The following KMT2C variants were observed in gnomAD, a reference collection of about 807,000 sequenced individuals.
The protein encoded by KMT2C is lysine methyltransferase 2C, also known as histone-lysine N-methyltransferase 2C.
A neutral mutation model predicts 507.9 loss-of-function variants in KMT2C; 88 were observed. That is an observed-to-expected ratio of 0.17 (90% confidence interval 0.15 to 0.21). KMT2C has a LOEUF of 0.21. KMT2C is among the 10% of genes least tolerant of loss of function. The pLI is 1.00. For synonymous variants in KMT2C, 2,049 were observed against 2,080.8 expected (o/e 0.98, Z 0.42); for missense variants, 4,954 against 5,957.8 (o/e 0.83, Z 5.55).
Position 152,176,408 on chromosome 7 carries a change from A to G in KMT2C, c.9045T>C (p.Pro3015=), listed in dbSNP as rs2129113003. ...GTGKPATQTG[P]QTSQSGTSSM... is the part of the protein sequence containing the mutation. ...TACTGGTACCAGACTGACTTGTTTG[A>G]GGCCCAGTTTGAGTTGCAGGTTTTC... The change falls in exon 38 of 59, where the codon CCT becomes CCC. Residue 3015 remains proline (P), a synonymous_variant. Coordinates refer to ENST00000262189, the MANE Select transcript of KMT2C (RefSeq NM_170606.3). The G allele has an allele frequency of 1.9e-6, 3 of 1,614,164 alleles. No individual in the cohort carries two copies. The highest frequency in any genetic ancestry group is 2.5e-6 in the Non-Finnish European group (3 of 1,180,024).
chr7:152,364,592 G>T (rs1160957163), intron 1 of KMT2C, among the ~76,000 whole-genome samples: 4 of 142,504 alleles, frequency 2.8e-5, no homozygotes, highest in Non-Finnish European at 5.9e-5. Context: ...CTGGGTGACA[G>T]AGCGAGACTC....
At chr7:152,415,091 C>G (rs967808360) in intron 1 of KMT2C, among the ~76,000 whole-genome samples, 1 of 152,104 alleles carries the variant, frequency 6.6e-6, no homozygotes. Context: ...AGCTATCAGC[C>G]TGCCTCAGCC....
At chr7:152,237,937 T>C (rs1392080471) in intron 15 of KMT2C, among the ~76,000 whole-genome samples, 3 of 152,284 alleles carry the variant, frequency 2.0e-5, no homozygotes, top group South Asian at 2.1e-4. Flanking sequence ...AAGTGAAAAT[T>C]GGTGGTCTAT....
At chr7:152,213,912 A>G (rs1257533433) in intron 23 of KMT2C, among the ~76,000 whole-genome samples, 1 of 152,196 alleles carries the variant, frequency 6.6e-6, no homozygotes, top group African/African-American at 2.4e-5. Context: ...AAAATAGGCA[A>G]GGACCTGAAT....
intron 34 of KMT2C, 119 bp downstream of exon 34, chr7:152,185,439 T>C (rs1186547693): frequency 6.0e-6 from 4 of 663,216 alleles, no homozygotes; most frequent in Non-Finnish European, 7.8e-6. Flanking sequence ...AAGTTGCTTG[T>C]TGTACAGGTA....
At chr7:152,186,486 A>C (rs554561121) in intron 33 of KMT2C, among the ~76,000 whole-genome samples, 12 of 152,210 alleles carry the variant, frequency 7.9e-5, no homozygotes, top group Non-Finnish European at 1.6e-4. Context: ...TTAGATAAAA[A>C]GCATTTCATT....
chr7:152,217,520 A>G (rs2094615681), intron 23 of KMT2C, among the ~76,000 whole-genome samples: 1 of 152,264 alleles, frequency 6.6e-6, no homozygotes, highest in African/African-American at 2.4e-5. Context: ...GGGACTAGTC[A>G]TGAAAATGCT....
At chr7:152,203,159 T>C (rs1046671865) in intron 25 of KMT2C, 95 bp from the exon 26 acceptor site, 10 of 918,220 alleles carry the variant, frequency 1.1e-5, no homozygotes, top group Non-Finnish European at 1.4e-5. Context: ...ATACACACAG[T>C]TTCATATAAA....
rs370447087 is a variant in KMT2C at position 152,429,761 on chromosome 7, C to T, written c.161+5865G>A. 4.0e-4 allele frequency among the ~76,000 whole-genome samples: 60 copies of T among 151,666 alleles called. 1 individual carries two copies. Among genetic ancestry groups the T allele is most frequent in the African/African-American group, 1.4e-3 (59 of 41,294 alleles). On this transcript the variant is annotated intron_variant, in intron 1 of 58. Coordinates refer to ENST00000262189, the MANE Select transcript of KMT2C (RefSeq NM_170606.3). ...GTCTCCCACTCCTGACCTTGTGATC[C>T]GCCCACCTCAGCCTCCCAAAGTGCT...
Position 152,136,758 on chromosome 7 carries a change from G to T in KMT2C, c.*74C>A. On this transcript the variant is annotated 3_prime_UTR_variant, in exon 59 of 59. Transcript: ENST00000262189. Reference sequence around the variant, plus strand: ...AGAAAACAAAAATCTCTTTCTGTCTGCAAAATTCCAATGGTGTGTTGAATC... The same window carrying T: ...AGAAAACAAAAATCTCTTTCTGTCTTCAAAATTCCAATGGTGTGTTGAATC... 9.5e-7 allele frequency: 1 copy of T among 1,053,772 alleles called. No individual in the cohort carries two copies. The highest frequency in any genetic ancestry group is 1.5e-6 in the Non-Finnish European group (1 of 678,618). The allele number at this position is 1,053,772 out of a possible 1,614,324, so 65.3% of individuals were successfully genotyped here.
chr7:152,232,938 C>G (rs4024397), intron 16 of KMT2C, among the ~76,000 whole-genome samples: 10 of 151,920 alleles, frequency 6.6e-5, no homozygotes, highest in African/African-American at 2.4e-4. Flanking sequence ...CACATTATAC[C>G]CACTGAGCAG....
At chr7:152,149,518 T>C (rs987256655) in intron 51 of KMT2C, among the ~76,000 whole-genome samples, 9 of 152,364 alleles carry the variant, frequency 5.9e-5, no homozygotes, top group Admixed American at 2.0e-4. Context: ...AGAGCTAATA[T>C]AATTTGTACA....
chr7:152,329,498 A>T lies in KMT2C; in HGVS notation c.389+1103T>A, dbSNP rs993855021. ...GGTGGGAGGATCACCTGAGCCTGGG[A>T]GGTTGAGCCTGCAGTGAGCTGTGAT... On this transcript the variant is annotated intron_variant, in intron 3 of 58. Coordinates refer to ENST00000262189, the MANE Select transcript of KMT2C (RefSeq NM_170606.3). Among the ~76,000 whole-genome samples, 3 of 152,058 alleles carry T rather than the reference A, an allele frequency of 2.0e-5. No homozygotes were observed. The South Asian group carries it at 6.3e-4, about 32-fold the overall frequency.
intron 9 of KMT2C, among the ~76,000 whole-genome samples, chr7:152,257,150 C>T (rs2095673899): frequency 6.6e-6 from 1 of 152,146 alleles, no homozygotes; most frequent in Admixed American, 6.5e-5. Context: ...AGCACAGATA[C>T]ACAATGGAGT....
Position 152,234,126 on chromosome 7 carries a change from G to A in KMT2C, c.2769+1691C>T, listed in dbSNP as rs1264941585. On this transcript the variant is annotated intron_variant, in intron 16 of 58. Coordinates refer to ENST00000262189, the MANE Select transcript of KMT2C (RefSeq NM_170606.3). ...CTCCAGCCTGGGCATGGTGGCTCAC[G>A]CCTGTAATTCCAACACTTTGGGAGG... Among the ~76,000 whole-genome samples, 6 of 151,352 alleles carry A rather than the reference G, an allele frequency of 4.0e-5. No homozygotes were observed. The East Asian group carries it at 5.8e-4, about 15-fold the overall frequency.
chr7:152,194,545 G>T lies in KMT2C; in HGVS notation c.4402C>A (p.Pro1468Thr), dbSNP rs555704077. The T allele has an allele frequency of 5.0e-5, 81 of 1,612,624 alleles. No homozygotes were observed. In the South Asian group the frequency reaches 8.2e-4, roughly 16 times the overall value. ...ACATTTGGCTGAGGCAAAGAGGAAG[G>T]ATCATCAGTGACAGGACCAATATCT... Reference protein sequence around the residue: ...HSDIGPVTDDPSSLPQPNVNQ... With the variant: ...HSDIGPVTDDTSSLPQPNVNQ... Residue 1468 changes from proline (P) to threonine (T), a missense_variant, in exon 29 of 59, where the codon CCT becomes ACT. Around this residue, in one of 29 missense-constraint regions of KMT2C, gnomAD observed 140 missense variants for 118.4 expected, o/e 1.18. Transcript: ENST00000262189.
At chr7:152,393,154 G>C (rs2097513156) in intron 1 of KMT2C, among the ~76,000 whole-genome samples, 1 of 152,130 alleles carries the variant, frequency 6.6e-6, no homozygotes, top group African/African-American at 2.4e-5. Flanking sequence ...ACTCACACAT[G>C]ATAGTTTTAT....
At chr7:152,194,371 G>C (rs2129129415) in intron 29 of KMT2C, 69 bp downstream of exon 29, 5 of 1,496,892 alleles carry the variant, frequency 3.3e-6, no homozygotes, top group Non-Finnish European at 4.6e-6. Context: ...TTATAACCAT[G>C]CAAAAATCTT....
At chr7:152,301,432 C>G (rs754137189) in intron 6 of KMT2C, among the ~76,000 whole-genome samples, 4 of 151,950 alleles carry the variant, frequency 2.6e-5, no homozygotes, top group Non-Finnish European at 5.9e-5. Context: ...TCACTTGAAC[C>G]CGGGAGGCAG....
Sources: gnomAD v4.1 joint callset for allele counts (sites outside exome capture counted in the v4.1 genomes callset) on GRCh38, gnomAD v4.1.1 for gene constraint, gnomAD v4.1.1 regional missense constraint, MANE v1.5 for transcripts, NCBI Gene and HGNC (gene_info 2026-07-23, HGNC 2026-07-21) for gene names.